Variants in XYLT1 observed in about 807,000 individuals in gnomAD.
The protein encoded by XYLT1 is beta-D-xylosyltransferase 1.
In XYLT1, 36 loss-of-function variants were observed where a neutral mutation model predicts 91.3. That is an observed-to-expected ratio of 0.39 (90% CI 0.30 to 0.52). The LOEUF is 0.52. Ranked by LOEUF, XYLT1 falls within the 20% of genes least tolerant of loss-of-function variation. XYLT1 has a pLI of 0.68. For missense variants in XYLT1, 1,242 were observed against 1,284.5 expected (o/e 0.97, Z 0.51); for synonymous variants, 588 against 532.0 (o/e 1.11, Z -1.45).
rs377015583 is a variant in XYLT1, at chr16:17,134,562, G to A, written c.1938C>T (p.Asp646=). ...DEPDGIHSLS[D]VTLTLYHSFA... The stretch of plus-strand genomic sequence containing the variant: ...AGGAGTGGTACAAGGTGAGTGTCAC[G>A]TCGCTCAGGCTGTGGATGCCGTCAG... The change falls in exon 9 of 12, where the codon GAC becomes GAT. Residue 646 remains aspartate, a synonymous_variant. Transcript: ENST00000261381. The A allele has an allele frequency of 1.7e-5, 28 of 1,614,034 alleles. No homozygotes were observed. The highest frequency in any genetic ancestry group is 7.7e-5 in the South Asian group (7 of 91,092).
intron 1 of XYLT1, among the ~76,000 whole-genome samples, chr16:17,358,283 A>G (rs1019226421): frequency 6.6e-6 from 1 of 152,080 alleles, no homozygotes; most frequent in Admixed American, 6.5e-5. Context: ...ACAGGCATGC[A>G]CTATCATGCC....
Position 17,470,869 on chromosome 16 carries a change from C to T in XYLT1, c.-73G>A, listed in dbSNP as rs948165476. 1.1e-5 allele frequency: 11 copies of T among 980,362 alleles called. No homozygotes were observed. In the African/African-American group the frequency reaches 1.4e-4, roughly 13 times the overall value. The allele number at this position is 980,362 out of a possible 1,614,324, so 60.7% of individuals were successfully genotyped here. On this transcript the variant is annotated 5_prime_UTR_variant, in exon 1 of 12. Transcript: ENST00000261381. ...CGGGCCGCCCCCGCGCTCCCCGCAG[C>T]TCCCGCGGCCGCCGGCTGCCGCTCG...
At chr16:17,169,426 A>G (rs1188854323) in intron 5 of XYLT1, among the ~76,000 whole-genome samples, 1 of 152,240 alleles carries the variant, frequency 6.6e-6, no homozygotes, top group Admixed American at 6.5e-5. Context: ...ACAAAGCCTC[A>G]GTGCTTTCAC....
intron 1 of XYLT1, among the ~76,000 whole-genome samples, chr16:17,433,970 G>A (rs1420906755): frequency 1.3e-5 from 2 of 151,678 alleles, no homozygotes; most frequent in East Asian, 3.9e-4. Flanking sequence ...TGATCCTTTC[G>A]AGAAATCCAT....
At chr16:17,405,648 C>T (rs1212343271) in intron 1 of XYLT1, among the ~76,000 whole-genome samples, 2 of 152,148 alleles carry the variant, frequency 1.3e-5, no homozygotes, top group East Asian at 1.9e-4. Context: ...GTGGTGCCCT[C>T]GTGAGCTGGG....
chr16:17,318,040 C>T (rs1242610229), intron 2 of XYLT1, among the ~76,000 whole-genome samples: 1 of 152,234 alleles, frequency 6.6e-6, no homozygotes, highest in Non-Finnish European at 1.5e-5. Flanking sequence ...CACCTTTTCA[C>T]TTGTTTGAAG....
chr16:17,345,502 C>T (rs1177369233), intron 2 of XYLT1, among the ~76,000 whole-genome samples: 1 of 152,204 alleles, frequency 6.6e-6, no homozygotes, highest in Non-Finnish European at 1.5e-5. Flanking sequence ...GCTACTTCCA[C>T]AAGAGAGAAA....
At chr16:17,311,942 C>T (rs1356482862) in intron 2 of XYLT1, among the ~76,000 whole-genome samples, 2 of 152,006 alleles carry the variant, frequency 1.3e-5, no homozygotes, top group South Asian at 2.1e-4. Flanking sequence ...GAAACTGCCC[C>T]GATGATTCAG....
At chr16:17,334,039 C>T (rs1191593341) in intron 2 of XYLT1, among the ~76,000 whole-genome samples, 2 of 152,184 alleles carry the variant, frequency 1.3e-5, no homozygotes, top group Non-Finnish European at 2.9e-5. Flanking sequence ...CCTTCCATCC[C>T]TTTCACCATG....
At chr16:17,462,895 G>A (rs1237537386) in intron 1 of XYLT1, among the ~76,000 whole-genome samples, 2 of 152,126 alleles carry the variant, frequency 1.3e-5, no homozygotes, top group African/African-American at 2.4e-5. Context: ...TTAGAACAGT[G>A]CCTGGCAAAC....
intron 3 of XYLT1, among the ~76,000 whole-genome samples, chr16:17,245,441 C>T (rs766590839): frequency 5.3e-5 from 8 of 152,306 alleles, no homozygotes; most frequent in Middle Eastern, 3.4e-3. Context: ...TTTAGGGCAA[C>T]ATAAACCCTC....
chr16:17,178,091 C>CA (rs11396787), intron 5 of XYLT1, among the ~76,000 whole-genome samples: 75,192 of 151,764 alleles, frequency 0.5, 20,437 homozygotes, highest in African/African-American at 0.71. Flanking sequence ...GGTAAGAAAA[C>CA]CGGTATGCTC....
intron 1 of XYLT1, among the ~76,000 whole-genome samples, chr16:17,382,777 G>A (rs1241895969): frequency 1.3e-5 from 2 of 151,840 alleles, no homozygotes; most frequent in Non-Finnish European, 1.5e-5. Flanking sequence ...TCCCCATACT[G>A]GCACTCACTA....
intron 9 of XYLT1, among the ~76,000 whole-genome samples, chr16:17,132,990 ACTCTT>A (rs1296054421): frequency 6.6e-6 from 1 of 152,188 alleles, no homozygotes; most frequent in African/African-American, 2.4e-5. Context: ...GATGAGTATT[ACTCTT>A]CTCATTTCAC....
intron 1 of XYLT1, among the ~76,000 whole-genome samples, chr16:17,392,652 A>G (rs1299480562): frequency 6.6e-6 from 1 of 152,190 alleles, no homozygotes; most frequent in East Asian, 1.9e-4. Flanking sequence ...TTGGAAACTG[A>G]GTCATGCAAA....
intron 1 of XYLT1, among the ~76,000 whole-genome samples, chr16:17,374,785 G>C (rs907333779): frequency 2.0e-5 from 3 of 152,150 alleles, no homozygotes; most frequent in Admixed American, 1.3e-4. Flanking sequence ...AAAATGGCAT[G>C]AGTATTTGTA....
intron 2 of XYLT1, among the ~76,000 whole-genome samples, chr16:17,345,107 G>C (rs905123189): frequency 1.3e-5 from 2 of 152,204 alleles, no homozygotes; most frequent in East Asian, 3.8e-4. Context: ...CAAGGGGCCA[G>C]CTGTTGGCCC....
Position 17,103,402 on chromosome 16 carries a change from T to A in XYLT1, c.*5293A>T, listed in dbSNP as rs1301553766. ...CATAGGAAAAATATAAGAACATTTTTCTTAAAGACGACATTTGTAAGCAAT... is the reference window on the plus strand; with the variant it reads ...CATAGGAAAAATATAAGAACATTTTACTTAAAGACGACATTTGTAAGCAAT... On this transcript the variant is annotated 3_prime_UTR_variant, in exon 12 of 12. Coordinates refer to ENST00000261381, the MANE Select transcript of XYLT1 (RefSeq NM_022166.4). The A allele has an allele frequency of 2.0e-5, 3 of 152,318 alleles. No individual in the cohort carries two copies. Among genetic ancestry groups the A allele is most frequent in the Non-Finnish European group, 4.4e-5 (3 of 68,030 alleles). 9.4% of individuals were successfully genotyped at this position (152,318 alleles called of 1,614,324 possible).
intron 6 of XYLT1, among the ~76,000 whole-genome samples, chr16:17,149,501 T>C (rs548733508): frequency 1.1e-4 from 16 of 152,368 alleles, no homozygotes; most frequent in African/African-American, 3.4e-4. Context: ...TCATTGAATC[T>C]AGATTACTCC....
Sources: allele counts gnomAD v4.1 joint callset (sites outside exome capture counted in the v4.1 genomes callset), GRCh38; gene constraint gnomAD v4.1.1; transcripts MANE v1.5; gene names NCBI Gene and HGNC (gene_info 2026-07-23, HGNC 2026-07-21).